Variants in ZSCAN4 observed in about 807,000 individuals in gnomAD.
The protein encoded by ZSCAN4 is zinc finger and SCAN domain-containing protein 4.
ZSCAN4 carries 18 observed loss-of-function variants against 18.3 expected under a neutral mutation model. The ratio of observed to expected loss-of-function variants is 0.98; its 90% CI spans 0.68 to 1.46. ZSCAN4 has a LOEUF of 1.46. Among genes scored for constraint, ZSCAN4 ranks in the 40% most tolerant of loss-of-function variants. ZSCAN4 has a pLI of 0.00. For missense variants in ZSCAN4, 498 were observed against 511.4 expected, an observed-to-expected ratio of 0.97 and a Z score of 0.25; for synonymous variants, 193 against 180.3, an observed-to-expected ratio of 1.07 and a Z score of -0.57.
the ZSCAN4 span, among the ~76,000 whole-genome samples, chr19:57,657,065 G>A: frequency 6.6e-6 from 1 of 152,102 alleles, no homozygotes; most frequent in African/African-American, 2.4e-5. Flanking sequence ...GGCCAACATG[G>A]TGAAACCTCG....
the ZSCAN4 span, among the ~76,000 whole-genome samples, chr19:57,660,100 G>A: frequency 2.6e-5 from 4 of 152,104 alleles, no homozygotes; most frequent in East Asian, 1.9e-4. Context: ...TACAGATGCC[G>A]TCACTCCATC....
chr19:57,676,139 G>A, exon 3 of ZSCAN4: 1 of 1,595,160 alleles, frequency 6.3e-7, no homozygotes, highest in Admixed American at 1.8e-5. Context: ...GAGAATTATT[G>A]CTAAGAATGG....
upstream of ZSCAN4, among the ~76,000 whole-genome samples, chr19:57,665,784 C>T (rs1194206681): frequency 2.0e-5 from 3 of 152,032 alleles, no homozygotes; most frequent in Non-Finnish European, 2.9e-5. Flanking sequence ...GGGCAGCCCA[C>T]GTCAGTAATC....
chr19:57,660,048 T>C, the ZSCAN4 span, among the ~76,000 whole-genome samples: 1 of 152,138 alleles, frequency 6.6e-6, no homozygotes, highest in Non-Finnish European at 1.5e-5. Context: ...ATCAGGGAGT[T>C]CCAAATCTTT....
At chr19:57,678,606 A>G in exon 5 of ZSCAN4, 1 of 1,614,078 alleles carries the variant, frequency 6.2e-7, no homozygotes, top group Non-Finnish European at 8.5e-7. Context: ...GAGAAGACAC[A>G]GGAATGAGAG....
upstream of ZSCAN4, chr19:57,664,641 G>T (rs577624374): frequency 5.5e-5 from 11 of 198,798 alleles, no homozygotes; most frequent in African/African-American, 1.2e-4. Context: ...GGCCCGGATG[G>T]CATGCCGTCT....
chr19:57,678,805 G>A, exon 5 of ZSCAN4: 1 of 1,614,118 alleles, frequency 6.2e-7, no homozygotes, highest in Non-Finnish European at 8.5e-7. Context: ...TGTCCCTTTT[G>A]TAAGACAAGC....
At chr19:57,653,243 C>T in the ZSCAN4 span, among the ~76,000 whole-genome samples, 83 of 152,126 alleles carry the variant, frequency 5.5e-4, no homozygotes, top group Non-Finnish European at 8.4e-4. Context: ...AAAAATTAGC[C>T]GGGCATGGTG....
chr19:57,669,209 T>C lies in ZSCAN4; in HGVS notation c.-429+6T>C, dbSNP rs1983942960. 6.6e-6 allele frequency: 1 copy of C among 151,322 alleles called. No homozygotes were observed. Among genetic ancestry groups the C allele is most frequent in the African/African-American group, 2.4e-5 (1 of 41,148 alleles). The allele number at this position is 151,322 out of a possible 1,614,324, so 9.4% of individuals were successfully genotyped here. On this transcript the variant is annotated splice_donor_region_variant and intron_variant, in intron 1 of 4. Coordinates refer to ENST00000318203, the Ensembl canonical transcript of ZSCAN4. Reference sequence around the variant, plus strand: ...CTGAGTAGCTGGGATTACAGGTGCATGCTACCACGCCCAGATAATTTTTGT... The same window carrying C: ...CTGAGTAGCTGGGATTACAGGTGCACGCTACCACGCCCAGATAATTTTTGT...
exon 5 of ZSCAN4, chr19:57,678,329 C>T (rs199922013): frequency 9.3e-6 from 15 of 1,614,046 alleles, no homozygotes; most frequent in African/African-American, 1.3e-5. Context: ...ACCCATACAA[C>T]TCAAAAAGAG....
At chr19:57,675,828 T>A (rs2122305317) in intron 2 of ZSCAN4, among the ~76,000 whole-genome samples, 1 of 152,354 alleles carries the variant, frequency 6.6e-6, no homozygotes, top group African/African-American at 2.4e-5. Context: ...TGGATAATTT[T>A]AATGTATTTG....
At chr19:57,671,449 A>G (rs1462599203) in intron 2 of ZSCAN4, among the ~76,000 whole-genome samples, 4 of 151,462 alleles carry the variant, frequency 2.6e-5, no homozygotes, top group African/African-American at 9.7e-5. Flanking sequence ...ATCCAAAAAG[A>G]GAACTTGGAG....
chr19:57,669,584 G>A (rs1010899665), intron 1 of ZSCAN4, among the ~76,000 whole-genome samples: 1 of 151,674 alleles, frequency 6.6e-6, no homozygotes, highest in Non-Finnish European at 1.5e-5. Flanking sequence ...GCGCCACTAC[G>A]CCTGGCTAAT....
chr19:57,655,171 AG>A, the ZSCAN4 span, among the ~76,000 whole-genome samples: 1 of 152,182 alleles, frequency 6.6e-6, no homozygotes, highest in African/African-American at 2.4e-5. Flanking sequence ...TCTCATACAA[AG>A]AACCTCCTTT....
chr19:57,656,554 G>A, the ZSCAN4 span, among the ~76,000 whole-genome samples: 6 of 152,156 alleles, frequency 3.9e-5, no homozygotes, highest in African/African-American at 1.4e-4. Flanking sequence ...TTCCCCTGAA[G>A]GGGCTCTTAA....
Position 57,678,096 on chromosome 19 carries a change from T to G in ZSCAN4, c.562+17T>G. On this transcript the variant is annotated intron_variant, in intron 4 of 4. Coordinates refer to ENST00000318203, the Ensembl canonical transcript of ZSCAN4. ...CAGGACAAGGTAAGTCAGGTGAATC[T>G]GCACAACTGAGGAGTGTTCTATGTG... 6.3e-7 allele frequency: 1 copy of G among 1,583,846 alleles called. No individual in the cohort carries two copies. Among genetic ancestry groups the G allele is most frequent in the South Asian group, 1.2e-5 (1 of 84,978 alleles).
intron 1 of ZSCAN4, among the ~76,000 whole-genome samples, chr19:57,669,705 A>C (rs1206837407): frequency 6.9e-6 from 1 of 145,618 alleles, no homozygotes; most frequent in Non-Finnish European, 1.5e-5. Context: ...GATTACAGGC[A>C]TGGTTTTTTT....
chr19:57,657,005 G>T, the ZSCAN4 span, among the ~76,000 whole-genome samples: 5 of 151,252 alleles, frequency 3.3e-5, no homozygotes, highest in African/African-American at 9.7e-5. Context: ...CAACGCTTTG[G>T]GGGGCTGAGG....
intron 3 of ZSCAN4, 56 bp downstream of exon 3, chr19:57,676,597 T>C: frequency 2.6e-6 from 4 of 1,534,528 alleles, no homozygotes; most frequent in Non-Finnish European, 3.5e-6. Context: ...AAGGAATAAA[T>C]CACAGTCAGT....
Sources: allele counts gnomAD v4.1 joint callset (sites outside exome capture counted in the v4.1 genomes callset), GRCh38; gene constraint gnomAD v4.1.1; transcripts MANE v1.5; gene names NCBI Gene and HGNC (gene_info 2026-07-23, HGNC 2026-07-21).